SRGAP3: variants seen among roughly 807,000 people sequenced by gnomAD.
The protein encoded by SRGAP3 is SLIT-ROBO Rho GTPase activating protein 3.
In SRGAP3, 39 loss-of-function variants were observed where a neutral mutation model predicts 121.1. That is an observed-to-expected ratio of 0.32 (90% CI 0.25 to 0.42). SRGAP3 has a LOEUF of 0.42. Ranked by LOEUF, SRGAP3 falls within the 10% of genes least tolerant of loss-of-function variation. The pLI is 1.00. For synonymous variants in SRGAP3, 601 were observed against 570.0 expected (o/e 1.05, Z -0.77); for missense variants, 1,213 against 1,470.6 (o/e 0.82, Z 2.86).
At chr3:9,157,931 A>G (rs1232212144) in intron 1 of SRGAP3, among the ~76,000 whole-genome samples, 2 of 152,186 alleles carry the variant, frequency 1.3e-5, no homozygotes. Flanking sequence ...CAGACCCACA[A>G]GTTTCTCTTT....
At chr3:9,018,265 C>T (rs562843524) in intron 14 of SRGAP3, among the ~76,000 whole-genome samples, 41 of 152,230 alleles carry the variant, frequency 2.7e-4, no homozygotes, top group African/African-American at 7.9e-4. Flanking sequence ...TTGGTGGCCA[C>T]GTAGGTTGCT....
chr3:9,101,812 T>C (rs186508740), intron 3 of SRGAP3, among the ~76,000 whole-genome samples: 20 of 152,342 alleles, frequency 1.3e-4, no homozygotes, highest in Non-Finnish European at 2.4e-4. Flanking sequence ...GATGGCCTCC[T>C]GGATCTCATT....
chr3:9,338,814 G>C (rs1308381806), intron 1 of SRGAP3, among the ~76,000 whole-genome samples: 1 of 152,174 alleles, frequency 6.6e-6, no homozygotes, highest in African/African-American at 2.4e-5. Context: ...CAAGTCAACT[G>C]TAGACAGAAA....
chr3:9,095,753 A>G (rs560243925), intron 3 of SRGAP3, among the ~76,000 whole-genome samples: 1 of 152,312 alleles, frequency 6.6e-6, no homozygotes, highest in African/African-American at 2.4e-5. Flanking sequence ...GATAAGGCCA[A>G]TCCTCCAACA....
At chr3:9,245,455 C>T (rs1405364476) in intron 1 of SRGAP3, among the ~76,000 whole-genome samples, 3 of 152,098 alleles carry the variant, frequency 2.0e-5, no homozygotes, top group Admixed American at 6.5e-5. Context: ...TAAGTGGTAG[C>T]GAACCATCCT....
At chr3:9,313,660 G>A (rs1955289725) in intron 3 of SRGAP3, among the ~76,000 whole-genome samples, 1 of 150,928 alleles carries the variant, frequency 6.6e-6, no homozygotes, top group South Asian at 2.1e-4. Flanking sequence ...CTGGGTGACA[G>A]AGCAAGACTC....
chr3:9,025,299 T>A lies in SRGAP3; in HGVS notation c.1640A>T (p.Gln547Leu), dbSNP rs1559941189. 1 of 1,614,164 alleles carries A rather than the reference T, an allele frequency of 6.2e-7. No homozygotes were observed. The highest frequency in any genetic ancestry group is 2.2e-5 in the East Asian group (1 of 44,892). The change falls in exon 14 of 22, where the codon CAG becomes CTG. Residue 547 changes from glutamine to leucine, a missense_variant. Gln to Leu is a moderately radical substitution (Grantham distance 113). Transcript: ENST00000383836. Reference protein sequence around the residue: ...QQGIFRVPGSQVEVNDIKNSF... With the variant: ...QQGIFRVPGSLVEVNDIKNSF... ...ATTTTTGATGTCATTGACTTCCACCTGAGATCCTGGCACTCTGAAGATCCC... is the reference window on the plus strand; with the variant it reads ...ATTTTTGATGTCATTGACTTCCACCAGAGATCCTGGCACTCTGAAGATCCC...
At chr3:9,058,714 CTTTT>C (rs71049768) in intron 6 of SRGAP3, 3,445 of 210,554 alleles carry the variant, frequency 0.016, no homozygotes, top group South Asian at 0.026. Context: ...TTCTCTCTCT[CTTTT>C]TTTTTTTTTT....
intron 4 of SRGAP3, among the ~76,000 whole-genome samples, chr3:9,069,748 A>G (rs1946603841): frequency 6.6e-6 from 1 of 152,172 alleles, no homozygotes; most frequent in South Asian, 2.1e-4. Flanking sequence ...GGAGTTTGAG[A>G]CCAGCCTGGC....
chr3:9,020,314 C>CT (rs147699152), intron 14 of SRGAP3, among the ~76,000 whole-genome samples: 3,970 of 149,488 alleles, frequency 0.027, 95 homozygotes, highest in Non-Finnish European at 0.039. Flanking sequence ...GAATCTCAAC[C>CT]TTTTTTTTTT....
At chr3:8,993,398 C>T (rs946531672) in intron 19 of SRGAP3, among the ~76,000 whole-genome samples, 1 of 152,168 alleles carries the variant, frequency 6.6e-6, no homozygotes, top group African/African-American at 2.4e-5. Context: ...AGGCTGAGCA[C>T]CGAGGGCTGA....
chr3:9,300,676 G>A (rs1032919506), intron 3 of SRGAP3, among the ~76,000 whole-genome samples: 3 of 152,206 alleles, frequency 2.0e-5, no homozygotes, highest in Non-Finnish European at 2.9e-5. Context: ...CAACAGAAGG[G>A]AGAGAGGGGA....
chr3:9,064,941 G>T (rs1422260368), intron 4 of SRGAP3, among the ~76,000 whole-genome samples: 1 of 152,184 alleles, frequency 6.6e-6, no homozygotes, highest in Non-Finnish European at 1.5e-5. Context: ...GGGACTGTCA[G>T]ACGTGACAAG....
intron 3 of SRGAP3, among the ~76,000 whole-genome samples, chr3:9,279,499 G>A (rs929350345): frequency 1.3e-5 from 2 of 149,060 alleles, no homozygotes; most frequent in African/African-American, 2.5e-5. Context: ...GAAGCAAAAC[G>A]AATACCCTGA....
chr3:9,294,000 A>G (rs1197050639), intron 3 of SRGAP3, among the ~76,000 whole-genome samples: 1 of 152,234 alleles, frequency 6.6e-6, no homozygotes, highest in Non-Finnish European at 1.5e-5. Context: ...CCAAAGGAAT[A>G]TAAATCATTC....
chr3:9,128,145 G>A lies in SRGAP3; in HGVS notation c.68-3228C>T, dbSNP rs78120984. On this transcript the variant is annotated intron_variant, in intron 1 of 21. Coordinates refer to ENST00000383836, the MANE Select transcript of SRGAP3 (RefSeq NM_014850.4). ...CATTTTATCAAGATCTCCCAAGGTGGCCCTTGTACACCTTAAAGTTTGATA... is the reference window on the plus strand; with the variant it reads ...CATTTTATCAAGATCTCCCAAGGTGACCCTTGTACACCTTAAAGTTTGATA... Among the ~76,000 whole-genome samples, 566 of 152,206 alleles carry A rather than the reference G, an allele frequency of 3.7e-3. 16 individuals carry two copies. The East Asian group carries it at 0.06, about 16-fold the overall frequency.
intron 3 of SRGAP3, among the ~76,000 whole-genome samples, chr3:9,283,938 G>T (rs1386952987): frequency 6.6e-6 from 1 of 152,116 alleles, no homozygotes; most frequent in Non-Finnish European, 1.5e-5. Context: ...GAATTCATTT[G>T]CCTAACATTT....
At chr3:9,152,231 C>T (rs938866768) in intron 1 of SRGAP3, among the ~76,000 whole-genome samples, 2 of 152,222 alleles carry the variant, frequency 1.3e-5, no homozygotes, top group African/African-American at 2.4e-5. Flanking sequence ...CTGACTTGGC[C>T]ACAACCTCTA....
intron 10 of SRGAP3, 61 bp from the exon 11 acceptor site, chr3:9,038,151 C>A (rs1944853394): frequency 6.2e-7 from 1 of 1,606,174 alleles, no homozygotes; most frequent in Admixed American, 1.7e-5. Flanking sequence ...AAAGAACATT[C>A]ATCTTTTTCT....
Sources: gnomAD v4.1 joint callset for allele counts (sites outside exome capture counted in the v4.1 genomes callset) on GRCh38, gnomAD v4.1.1 for gene constraint, MANE v1.5 for transcripts, NCBI Gene and HGNC (gene_info 2026-07-23, HGNC 2026-07-21) for gene names.